Variants in ASTN2 observed in about 807,000 individuals in gnomAD.
ASTN2 encodes astrotactin-2.
ASTN2 carries 54 observed loss-of-function variants against 139.8 expected under a neutral mutation model. The ratio of observed to expected loss-of-function variants is 0.39; its 90% confidence interval spans 0.31 to 0.48. The LOEUF (loss-of-function observed/expected upper bound fraction) is 0.48. ASTN2 is among the 20% of genes least tolerant of loss of function. The probability of loss-of-function intolerance (pLI) is 0.95; values close to 1 mark genes in which losing one functional copy is unlikely to be tolerated. For missense variants in ASTN2, 1,565 were observed against 1,725.1 expected, an observed-to-expected ratio of 0.91 and a Z score of 1.64; for synonymous variants, 756 against 719.5, an observed-to-expected ratio of 1.05 and a Z score of -0.81.
rs760388560 is a variant in ASTN2 at position 116,487,481 on chromosome 9, A to C, written c.3375T>G (p.Ala1125=). 6.2e-7 allele frequency: 1 copy of C among 1,613,996 alleles called. No homozygotes were observed. Among genetic ancestry groups the C allele is most frequent in the South Asian group, 1.1e-5 (1 of 91,064 alleles). The change falls in exon 20 of 23, where the codon GCT becomes GCG. Residue 1125 remains alanine, a synonymous_variant. Transcript: ENST00000313400. ...TGCCCAGGCCAGAGAGTAAGTCATC[A>C]GCAAAACTCAGGAATTCTCCTGGAG... The part of the protein sequence containing the change: ...DLYTGEFLSF[A]DDLLSGLGTS...
intron 3 of ASTN2, among the ~76,000 whole-genome samples, chr9:117,165,003 A>G (rs1208650284): frequency 6.6e-6 from 1 of 152,038 alleles, no homozygotes; most frequent in Non-Finnish European, 1.5e-5. Context: ...CACTTCCCCC[A>G]AGAAGATATG....
At chr9:116,903,815 A>C (rs73655518) in intron 10 of ASTN2, among the ~76,000 whole-genome samples, 1,718 of 152,258 alleles carry the variant, frequency 0.011, 47 homozygotes, top group African/African-American at 0.04. Context: ...AGGTCCAAAA[A>C]GGCCTGTTTA....
At chr9:116,643,674 GCA>G (rs2131900891) in intron 17 of ASTN2, among the ~76,000 whole-genome samples, 1 of 152,246 alleles carries the variant, frequency 6.6e-6, no homozygotes, top group East Asian at 1.9e-4. Flanking sequence ...AAAGTCCTTA[GCA>G]CAGTTTTTGG....
intron 13 of ASTN2, among the ~76,000 whole-genome samples, chr9:116,751,171 C>A (rs1213323763): frequency 6.9e-6 from 1 of 144,158 alleles, no homozygotes; most frequent in African/African-American, 2.9e-5. Context: ...AAAATGAGGA[C>A]CGTAATAGTA....
Position 117,295,642 on chromosome 9 carries a change from C to T in ASTN2, c.443-4129G>A, listed in dbSNP as rs532704397. Among the ~76,000 whole-genome samples the T allele has an allele frequency of 6.0e-4, 91 of 151,308 alleles. 1 individual carries two copies. Among genetic ancestry groups the T allele is most frequent in the Middle Eastern group, 3.5e-3 (1 of 286 alleles). ...TGGTATATATATATTTATGTATTTA[C>T]ATATATTTCAGTGACTCAGTAACAC... is the stretch of plus-strand genomic sequence containing the variant. On this transcript the variant is annotated intron_variant, in intron 1 of 22. Coordinates refer to ENST00000313400, the MANE Select transcript of ASTN2 (RefSeq NM_001365068.1).
At chr9:117,072,814 AC>A (rs1207006526) in intron 5 of ASTN2, among the ~76,000 whole-genome samples, 1 of 152,240 alleles carries the variant, frequency 6.6e-6, no homozygotes, top group Admixed American at 6.5e-5. Context: ...TAATGGCAGA[AC>A]TAAAACCTTT....
chr9:116,699,416 T>C lies in ASTN2; in HGVS notation c.2806+26355A>G. 1 of 1,614,152 alleles carries C rather than the reference T, an allele frequency of 6.2e-7. No individual in the cohort carries two copies. The highest frequency in any genetic ancestry group is 8.5e-7 in the Non-Finnish European group (1 of 1,180,020). ...TTTCCATTGGCTCTGTAGGCCCTGA[T>C]GGGCAGCTGGGTCGCCAGATTAGCC... is the stretch of plus-strand genomic sequence containing the variant. On this transcript the variant is annotated intron_variant, in intron 16 of 22. Coordinates refer to ENST00000313400, the MANE Select transcript of ASTN2 (RefSeq NM_001365068.1). The surrounding 1 kb of genome is among the most constrained non-coding windows in gnomAD (Gnocchi z 4.2).
At chr9:117,048,709 A>C (rs973305660) in intron 5 of ASTN2, among the ~76,000 whole-genome samples, 1 of 152,190 alleles carries the variant, frequency 6.6e-6, no homozygotes, top group African/African-American at 2.4e-5. Context: ...ATTATTCTCA[A>C]ATATCTCATT....
At chr9:116,866,598 AGAG>A (rs1325466721) in intron 10 of ASTN2, among the ~76,000 whole-genome samples, 1 of 152,114 alleles carries the variant, frequency 6.6e-6, no homozygotes, top group African/African-American at 2.4e-5. Flanking sequence ...ACAGAAAGTA[AGAG>A]GAGGAGATAA....
At chr9:116,629,072 C>G (rs1856600887) in intron 17 of ASTN2, among the ~76,000 whole-genome samples, 1 of 149,948 alleles carries the variant, frequency 6.7e-6, no homozygotes, top group African/African-American at 2.4e-5. Context: ...ATCCTCCCAA[C>G]AATTTGCGGA....
intron 1 of ASTN2, among the ~76,000 whole-genome samples, chr9:117,343,962 A>AG (rs1829137003): frequency 1.3e-5 from 2 of 152,142 alleles, no homozygotes; most frequent in Admixed American, 6.6e-5. Flanking sequence ...AGAAGGAAGG[A>AG]GGGGGGATGA....
rs149277401 is a variant in ASTN2 at position 116,604,631 on chromosome 9, G to T, written c.3355+13693C>A. Among the ~76,000 whole-genome samples the T allele has an allele frequency of 4.0e-4, 61 of 152,268 alleles. No individual in the cohort carries two copies. In the East Asian group the frequency reaches 0.01, roughly 26 times the overall value. ...GAGGAACTAAGAGTAAATTCCACAA[G>T]ATTTCATAAATACCTACAATGTAAG... On this transcript the variant is annotated intron_variant, in intron 19 of 22. Transcript: ENST00000313400.
At chr9:116,589,385 T>G (rs1439286077) in intron 19 of ASTN2, among the ~76,000 whole-genome samples, 1 of 152,180 alleles carries the variant, frequency 6.6e-6, no homozygotes, top group Non-Finnish European at 1.5e-5. Flanking sequence ...TGTGCAGTGT[T>G]GATATGTATA....
intron 16 of ASTN2, among the ~76,000 whole-genome samples, chr9:116,672,647 T>C (rs867945558): frequency 4.6e-5 from 7 of 152,352 alleles, no homozygotes; most frequent in African/African-American, 1.7e-4. Flanking sequence ...CATTTCTGTG[T>C]GGTAGATGAC....
intron 19 of ASTN2, among the ~76,000 whole-genome samples, chr9:116,609,324 C>CTA (rs368559373): frequency 0.11 from 12,173 of 110,600 alleles, 715 homozygotes; most frequent in African/African-American, 0.16. Context: ...CTCTCTCTCT[C>CTA]TCTCTATATA....
intron 3 of ASTN2, among the ~76,000 whole-genome samples, chr9:117,188,280 G>C (rs961692474): frequency 5.3e-5 from 8 of 151,954 alleles, no homozygotes; most frequent in African/African-American, 1.9e-4. Context: ...TTAGTGAGTA[G>C]GTAAGGAGAT....
chr9:117,171,341 C>T (rs1023212504), intron 3 of ASTN2, among the ~76,000 whole-genome samples: 2 of 152,070 alleles, frequency 1.3e-5, no homozygotes, highest in African/African-American at 4.8e-5. Flanking sequence ...GGGTTCCTGG[C>T]CTAGCTGTGT....
At chr9:117,311,534 T>A (rs1827976773) in intron 1 of ASTN2, among the ~76,000 whole-genome samples, 2 of 152,162 alleles carry the variant, frequency 1.3e-5, no homozygotes, top group African/African-American at 4.8e-5. Context: ...CAGAGTCTCA[T>A]CTATCGAACC....
intron 7 of ASTN2, among the ~76,000 whole-genome samples, chr9:117,003,733 C>A (rs776484405): frequency 2.0e-5 from 3 of 151,514 alleles, no homozygotes; most frequent in Non-Finnish European, 4.4e-5. Context: ...AAGGTCAGAC[C>A]CACAGGCACT....
Sources: allele counts gnomAD v4.1 joint callset (sites outside exome capture counted in the v4.1 genomes callset), GRCh38; gene constraint gnomAD v4.1.1; non-coding constraint Gnocchi (gnomAD v3.1); transcripts MANE v1.5; gene names NCBI Gene and HGNC (gene_info 2026-07-23, HGNC 2026-07-21).